Variants in TMEM52B observed in about 807,000 individuals in gnomAD.
TMEM52B encodes the protein chromosome 12 open reading frame 59.
A neutral mutation model predicts 16.1 loss-of-function variants in TMEM52B; 11 were observed. The observed-to-expected ratio is 0.68, with a 90% CI of 0.43 to 1.13. The LOEUF (loss-of-function observed/expected upper bound fraction) is 1.13, where lower values mean the gene tolerates loss of function less well. Ranked by LOEUF, TMEM52B falls within the 50% of genes most tolerant of loss-of-function variation. The pLI is 0.00. For synonymous variants in TMEM52B, 101 were observed against 93.8 expected (o/e 1.08, Z -0.45); for missense variants, 243 against 230.4 (o/e 1.05, Z -0.35).
chr12:10,182,511 A>G (rs762127096), intron 1 of TMEM52B, 39 bp from the exon 2 acceptor site: 1 of 1,530,460 alleles, frequency 6.5e-7, no homozygotes, highest in South Asian at 1.2e-5. Context: ...ACAGTGGCCA[A>G]AACAATTTCC....
chr12:10,175,194 T>A (rs1284084029), upstream of TMEM52B: 1 of 152,198 alleles, frequency 6.6e-6, no homozygotes, highest in Non-Finnish European at 1.5e-5. Context: ...ATGTATGTGA[T>A]CATCTACGTG....
In TMEM52B at chr12:10,190,604, C is replaced by T. The variant is rs377547704; in HGVS notation, c.*464C>T. 4 of 187,570 alleles carry T rather than the reference C, an allele frequency of 2.1e-5. No homozygotes were observed. The highest frequency in any genetic ancestry group is 4.6e-5 in the Non-Finnish European group (4 of 87,080). 11.6% of individuals were successfully genotyped at this position (187,570 alleles called of 1,614,324 possible). On this transcript the variant is annotated 3_prime_UTR_variant, in exon 5 of 5. Coordinates refer to ENST00000543484, the MANE Select transcript of TMEM52B (RefSeq NM_001384896.1). ...TCCTGAGACAGCAATCGATTTTACA[C>T]CGAATGACAATGATCATCTTAGACA...
intron 2 of TMEM52B, 55 bp downstream of exon 2, chr12:10,182,648 C>A: frequency 6.7e-7 from 1 of 1,495,666 alleles, no homozygotes; most frequent in Non-Finnish European, 8.9e-7. Flanking sequence ...ACATCACTAC[C>A]CCAAAAGAGA....
intron 3 of TMEM52B, among the ~76,000 whole-genome samples, chr12:10,186,078 C>A (rs1009169833): frequency 6.6e-6 from 1 of 151,898 alleles, no homozygotes; most frequent in South Asian, 2.1e-4. Flanking sequence ...TGGCATGTGC[C>A]TATAGTACTG....
chr12:10,188,661 G>C (rs571791840), intron 4 of TMEM52B, among the ~76,000 whole-genome samples: 2 of 152,004 alleles, frequency 1.3e-5, no homozygotes, highest in South Asian at 4.2e-4. Context: ...GAGGTCAGGA[G>C]ATTGAGACCA....
intron 1 of TMEM52B, among the ~76,000 whole-genome samples, chr12:10,181,919 C>T (rs571629071): frequency 1.6e-4 from 24 of 145,462 alleles, no homozygotes; most frequent in East Asian, 1.1e-3. Context: ...CCCAGCTACT[C>T]GGGAGGCTGA....
chr12:10,182,471 C>A, intron 1 of TMEM52B, 79 bp from the exon 2 acceptor site: 1 of 1,505,172 alleles, frequency 6.6e-7, no homozygotes, highest in Non-Finnish European at 8.9e-7. Context: ...CACAGCACAA[C>A]CATGAGAGAT....
In TMEM52B at chr12:10,179,735, A is replaced by G. The variant is rs966406133; in HGVS notation, c.54+107A>G. On this transcript the variant is annotated intron_variant, in intron 1 of 4. Transcript: ENST00000543484. ...TGCGGGGTGGGGAGACATATACAGA[A>G]CCCAGGGGGTCATAGGGAAATGAAT... 19 of 1,292,280 alleles carry G rather than the reference A, an allele frequency of 1.5e-5. No homozygotes were observed. In the African/African-American group the frequency reaches 2.5e-4, roughly 17 times the overall value. 80.1% of individuals were successfully genotyped at this position (1,292,280 alleles called of 1,614,324 possible). A position where few individuals can be genotyped will look rare whatever the true frequency, so the allele number is the denominator to read the frequency against.
chr12:10,185,432 C>A, intron 3 of TMEM52B, 64 bp downstream of exon 3: 1 of 1,214,518 alleles, frequency 8.2e-7, no homozygotes, highest in Non-Finnish European at 1.2e-6. Flanking sequence ...AAATGACAAC[C>A]TGCCTACTTA....
rs745505195 is a variant in TMEM52B, at chr12:10,189,988, A to C, written c.400A>C (p.Thr134Pro). The change falls in exon 5 of 5, where the codon ACC becomes CCC. Residue 134 changes from threonine (T) to proline (P), a missense_variant. Transcript: ENST00000543484. ...SLGQLPSSLD[T>P]LPGYEEALHM... ...GGGCCAGCTGCCCTCCTCTTTGGAC[A>C]CCCTCCCAGGGTATGAAGAAGCTCT... 6.8e-6 allele frequency: 11 copies of C among 1,613,834 alleles called. No homozygotes were observed. Among genetic ancestry groups the C allele is most frequent in the Non-Finnish European group, 8.5e-6 (10 of 1,179,998 alleles).
rs201272308 is a variant in TMEM52B, at chr12:10,186,411, C to T, written c.138-9C>T. 220 of 1,596,900 alleles carry T rather than the reference C, an allele frequency of 1.4e-4. No homozygotes were observed. Among genetic ancestry groups the T allele is most frequent in the Non-Finnish European group, 1.8e-4 (210 of 1,167,868 alleles). Reference sequence around the variant, plus strand: ...CCAGAGCTCCCACTCGCCCCGTGGGCTTTTGCAGGTTGCTAGTGGTAATTG... The same window carrying T: ...CCAGAGCTCCCACTCGCCCCGTGGGTTTTTGCAGGTTGCTAGTGGTAATTG... On this transcript the variant is annotated splice_polypyrimidine_tract_variant and intron_variant, in intron 3 of 4. Coordinates refer to ENST00000543484, the MANE Select transcript of TMEM52B (RefSeq NM_001384896.1).
chr12:10,178,665 G>C (rs369905525), upstream of TMEM52B, among the ~76,000 whole-genome samples: 3 of 134,842 alleles, frequency 2.2e-5, no homozygotes, highest in African/African-American at 8.4e-5. Context: ...GAGAGAGAAA[G>C]AGAGAGAAAG....
intron 1 of TMEM52B, chr12:10,182,036 A>C (rs975124235): frequency 2.8e-5 from 7 of 254,220 alleles, no homozygotes; most frequent in Middle Eastern, 2.2e-3. Context: ...AAAAAAAAAA[A>C]AAAACAAAAA....
upstream of TMEM52B, among the ~76,000 whole-genome samples, chr12:10,175,835 G>A (rs147461789): frequency 1.9e-3 from 294 of 152,308 alleles, 1 homozygote; most frequent in African/African-American, 6.5e-3. Flanking sequence ...ATTTTATTGA[G>A]GCACAGAGAG....
chr12:10,189,273 TG>T (rs1948927134), intron 4 of TMEM52B, among the ~76,000 whole-genome samples: 1 of 148,786 alleles, frequency 6.7e-6, no homozygotes, highest in Non-Finnish European at 1.5e-5. Flanking sequence ...TATCGGGGGC[TG>T]GGGGAAAGGG....
In TMEM52B at chr12:10,190,346, A is replaced by G. The variant is rs1468768539; in HGVS notation, c.*206A>G. Reference sequence around the variant, plus strand: ...ATTGGGAACTCTAATTTTGTATCCAATGGCCAAAATCTGCAAGTAATCTCT... The same window carrying G: ...ATTGGGAACTCTAATTTTGTATCCAGTGGCCAAAATCTGCAAGTAATCTCT... On this transcript the variant is annotated 3_prime_UTR_variant, in exon 5 of 5. Coordinates refer to ENST00000543484, the MANE Select transcript of TMEM52B (RefSeq NM_001384896.1). The G allele has an allele frequency of 2.8e-5, 17 of 616,638 alleles. No individual in the cohort carries two copies. Among genetic ancestry groups the G allele is most frequent in the Non-Finnish European group, 4.1e-5 (15 of 370,082 alleles). The allele number at this position is 616,638 out of a possible 1,614,324, so 38.2% of individuals were successfully genotyped here. A position where few individuals can be genotyped will look rare whatever the true frequency, so the allele number is the denominator to read the frequency against.
intron 1 of TMEM52B, chr12:10,172,140 T>C: frequency 9.1e-7 from 1 of 1,101,178 alleles, no homozygotes; most frequent in Non-Finnish European, 1.4e-6. Flanking sequence ...ACTAAAAATA[T>C]GTGAGCTTCT....
chr12:10,173,071 G>A (rs1009517606), intron 1 of TMEM52B, among the ~76,000 whole-genome samples: 2 of 152,120 alleles, frequency 1.3e-5, no homozygotes, highest in Non-Finnish European at 2.9e-5. Flanking sequence ...ATTCAGCACA[G>A]TTGAATTACC....
upstream of TMEM52B, among the ~76,000 whole-genome samples, chr12:10,174,048 T>TTTTA (rs1948747618): frequency 6.6e-6 from 1 of 150,402 alleles, no homozygotes; most frequent in African/African-American, 2.5e-5. Flanking sequence ...ATTTCATGTG[T>TTTTA]TTTGTTTGTT....
Sources: gnomAD v4.1 joint callset for allele counts (sites outside exome capture counted in the v4.1 genomes callset) on GRCh38, gnomAD v4.1.1 for gene constraint, MANE v1.5 for transcripts, NCBI Gene and HGNC (gene_info 2026-07-23, HGNC 2026-07-21) for gene names.